The following COG3 variants were observed in gnomAD, a reference collection of about 807,000 sequenced individuals.
The protein encoded by COG3 is component of oligomeric golgi complex 3.
COG3 carries 32 observed loss-of-function variants against 114.1 expected under a neutral mutation model. The observed-to-expected ratio is 0.28, with a 90% CI of 0.21 to 0.38. COG3 has a LOEUF of 0.38. COG3 is among the 10% of genes least tolerant of loss of function. The probability of loss-of-function intolerance (pLI) is 1.00; values close to 1 mark genes in which losing one functional copy is unlikely to be tolerated. For synonymous variants in COG3, 352 were observed against 365.7 expected (o/e 0.96, Z 0.43); for missense variants, 813 against 973.2 (o/e 0.84, Z 2.19).
chr13:45,498,148 TTG>T (rs550642127), intron 13 of COG3, among the ~76,000 whole-genome samples: 1 of 151,134 alleles, frequency 6.6e-6, no homozygotes, highest in South Asian at 2.1e-4. Flanking sequence ...CTTTATCTCT[TTG>T]TGTGTGTGTG....
chr13:45,525,977 A>G (rs1411674918), intron 20 of COG3, among the ~76,000 whole-genome samples: 1 of 151,504 alleles, frequency 6.6e-6, no homozygotes, highest in Non-Finnish European at 1.5e-5. Context: ...CAACTTTTTA[A>G]TATGATTGGT....
At chr13:45,480,866 A>C (rs755600649) in intron 4 of COG3, among the ~76,000 whole-genome samples, 1 of 152,204 alleles carries the variant, frequency 6.6e-6, no homozygotes, top group Non-Finnish European at 1.5e-5. Flanking sequence ...GCACCCAGCT[A>C]CTGACACTTT....
At chr13:45,465,488 G>A (rs1416100733) in intron 1 of COG3, 2 of 447,422 alleles carry the variant, frequency 4.5e-6, no homozygotes, top group Non-Finnish European at 7.9e-6. Context: ...TGGGACGGTT[G>A]GCCCGGAGCC....
chr13:45,470,616 C>G (rs1476161543), intron 1 of COG3, among the ~76,000 whole-genome samples: 1 of 152,204 alleles, frequency 6.6e-6, no homozygotes, highest in African/African-American at 2.4e-5. Flanking sequence ...TGCCCACTTT[C>G]CCTCAATGGT....
intron 19 of COG3, among the ~76,000 whole-genome samples, chr13:45,520,218 G>GTCGA (rs1871970450): frequency 6.6e-6 from 1 of 151,454 alleles, no homozygotes; most frequent in Non-Finnish European, 1.5e-5. Flanking sequence ...GAGCTGGGAA[G>GTCGA]TCGAGGGTGC....
Position 45,529,824 on chromosome 13 carries a change from A to G in COG3, c.2264A>G (p.Lys755Arg). Reference protein sequence around the residue: ...KVNDLAATAYKTIKTKLPVTL... With the variant: ...KVNDLAATAYRTIKTKLPVTL... The stretch of plus-strand genomic sequence containing the variant: ...AATGACCTTGCGGCAACTGCATATA[A>G]GACAATAAAAACAAAGCTGCCTGTG... Residue 755 changes from lysine (K) to arginine (R), a missense_variant, in exon 21 of 23, where the codon AAG becomes AGG. Lys to Arg is a conservative substitution (Grantham distance 26, BLOSUM62 2). Transcript: ENST00000349995. 1 of 1,613,550 alleles carries G rather than the reference A, an allele frequency of 6.2e-7. No homozygotes were observed. Among genetic ancestry groups the G allele is most frequent in the Non-Finnish European group, 8.5e-7 (1 of 1,179,540 alleles).
Position 45,518,740 on chromosome 13 carries a change from GA to G in COG3, c.1931-21del, listed in dbSNP as rs558175293. 3,190 of 1,577,578 alleles carry G rather than the reference GA, an allele frequency of 2.0e-3. 20 individuals carry two copies. Among genetic ancestry groups the G allele is most frequent in the South Asian group, 8.9e-3 (790 of 88,920 alleles). ...CTGTTGAAACTTTACATGTTCACTGGATGAGTAATTTTGTTTCACAGATGCA... is the reference window on the plus strand; with the variant it reads ...CTGTTGAAACTTTACATGTTCACTGGTGAGTAATTTTGTTTCACAGATGCA... On this transcript the variant is annotated intron_variant, in intron 17 of 22. Transcript: ENST00000349995.
chr13:45,491,655 G>T, intron 10 of COG3, 117 bp downstream of exon 10: 1 of 930,200 alleles, frequency 1.1e-6, no homozygotes, highest in African/African-American at 1.7e-5. Flanking sequence ...GAAAAAGCAT[G>T]TTTTTCATTA....
chr13:45,484,694 C>T lies in COG3; in HGVS notation c.843+1339C>T, dbSNP rs1273715880. Among the ~76,000 whole-genome samples, 8 of 142,820 alleles carry T rather than the reference C, an allele frequency of 5.6e-5. No individual in the cohort carries two copies. The South Asian group carries it at 7.0e-4, about 13-fold the overall frequency. The allele number at this position is 142,820 out of a possible 152,430, so 93.7% of individuals were successfully genotyped here. ...GGGACAATAGTGGAGGGAAGGTCAG[C>T]AGATAAACAAGTGAACAAAGGTCTC... On this transcript the variant is annotated intron_variant, in intron 7 of 22. Coordinates refer to ENST00000349995, the MANE Select transcript of COG3 (RefSeq NM_031431.4).
At chr13:45,528,223 A>G (rs1998786) in intron 20 of COG3, among the ~76,000 whole-genome samples, 131,468 of 152,216 alleles carry the variant, frequency 0.86, 57,058 homozygotes, top group African/African-American at 0.93. Flanking sequence ...TTGTTATCCT[A>G]TATATAAACA....
chr13:45,490,383 A>C (rs1177691844), intron 8 of COG3, among the ~76,000 whole-genome samples: 2 of 152,214 alleles, frequency 1.3e-5, no homozygotes, highest in Non-Finnish European at 2.9e-5. Context: ...GCCTGGGCTC[A>C]AACAGCTACT....
intron 6 of COG3, among the ~76,000 whole-genome samples, 171 bp from the exon 7 acceptor site, chr13:45,483,059 T>C (rs979181025): frequency 8.5e-5 from 13 of 152,236 alleles, no homozygotes; most frequent in African/African-American, 3.1e-4. Context: ...GGTTTGACTG[T>C]GACTAAGACA....
At chr13:45,498,635 GT>G (rs557915520) in intron 13 of COG3, among the ~76,000 whole-genome samples, 1 of 151,686 alleles carries the variant, frequency 6.6e-6, no homozygotes, top group East Asian at 1.9e-4. Context: ...TAGATTAATG[GT>G]TTTTTTGTTT....
In COG3 at chr13:45,529,835, A is replaced by G. The variant is rs142638224; in HGVS notation, c.2275A>G (p.Thr759Ala). The G allele has an allele frequency of 2.1e-4, 335 of 1,613,686 alleles. No homozygotes were observed. The highest frequency in any genetic ancestry group is 2.7e-4 in the Non-Finnish European group (316 of 1,179,740). The change falls in exon 21 of 23, where the codon ACA becomes GCA. Residue 759 changes from threonine (T) to alanine (A), a missense_variant. Physicochemically the swap from Thr to Ala is moderately conservative, Grantham distance 58. Around this residue, in one of 2 missense-constraint regions of COG3, gnomAD observed 389 missense variants for 542.6 expected, o/e 0.72. Coordinates refer to ENST00000349995, the MANE Select transcript of COG3 (RefSeq NM_031431.4). ...LAATAYKTIK[T>A]KLPVTLRSMS... ...GGCAACTGCATATAAGACAATAAAA[A>G]CAAAGCTGCCTGTGACATTGAGAAG...
intron 16 of COG3, among the ~76,000 whole-genome samples, chr13:45,512,408 T>C (rs569420330): frequency 1.3e-5 from 2 of 152,286 alleles, no homozygotes; most frequent in South Asian, 4.1e-4. Context: ...CATAGCTCAC[T>C]GCAGCCTCTA....
intron 1 of COG3, 33 bp from the exon 2 acceptor site, chr13:45,476,168 A>T: frequency 1.2e-6 from 2 of 1,608,456 alleles, no homozygotes; most frequent in South Asian, 2.2e-5. Context: ...TTTTCAAGTC[A>T]CTTAAATATC....
chr13:45,534,890 G>C lies in COG3; in HGVS notation c.*159G>C. 7.8e-7 allele frequency: 1 copy of C among 1,275,732 alleles called. No individual in the cohort carries two copies. Among genetic ancestry groups the C allele is most frequent in the Admixed American group, 4.1e-5 (1 of 24,184 alleles). 79.0% of individuals were successfully genotyped at this position (1,275,732 alleles called of 1,614,324 possible). On this transcript the variant is annotated 3_prime_UTR_variant, in exon 23 of 23. Transcript: ENST00000349995. ...GACTGCAGAATGAAATAGAAGCAAA[G>C]TGTTACAGGATCAGTGTTTTCTTTT... is the stretch of plus-strand genomic sequence containing the variant.
Position 45,486,570 on chromosome 13 carries a change from G to A in COG3, c.919G>A (p.Val307Ile). The change falls in exon 8 of 23, where the codon GTC becomes ATC. Residue 307 changes from valine (V) to isoleucine (I), a missense_variant. By Grantham distance (29) the Val-to-Ile change is conservative. Around this residue, in one of 2 missense-constraint regions of COG3, gnomAD observed 424 missense variants for 430.6 expected, o/e 0.98. Coordinates refer to ENST00000349995, the MANE Select transcript of COG3 (RefSeq NM_031431.4). Reference sequence around the variant, plus strand: ...GAAATTTCGAGCTGCTGCCCCCAAAGTCAGAGTAAGTCTATTGACATAACT... The same window carrying A: ...GAAATTTCGAGCTGCTGCCCCCAAAATCAGAGTAAGTCTATTGACATAACT... ...YVKFRAAAPK[V>I]RTLIEQIELR... 2 of 1,583,468 alleles carry A rather than the reference G, an allele frequency of 1.3e-6. No individual in the cohort carries two copies. The highest frequency in any genetic ancestry group is 4.5e-5 in the East Asian group (2 of 44,712).
intron 16 of COG3, among the ~76,000 whole-genome samples, chr13:45,513,199 A>G (rs867789492): frequency 2.0e-5 from 2 of 101,918 alleles, no homozygotes; most frequent in African/African-American, 6.0e-5. Context: ...ATATATATAT[A>G]ATATATACAT....
Sources: gnomAD v4.1 joint callset for allele counts (sites outside exome capture counted in the v4.1 genomes callset) on GRCh38, gnomAD v4.1.1 for gene constraint, gnomAD v4.1.1 regional missense constraint, MANE v1.5 for transcripts, NCBI Gene and HGNC (gene_info 2026-07-23, HGNC 2026-07-21) for gene names.